The following SLC36A1 variants were observed in gnomAD, a reference collection of about 807,000 sequenced individuals.
SLC36A1 encodes solute carrier family 36 member 1.
Under a neutral mutation model 47.5 loss-of-function variants are expected in SLC36A1, and 30 were observed. The ratio of observed to expected loss-of-function variants is 0.63; its 90% CI spans 0.47 to 0.86. The LOEUF is 0.86. Ranked by LOEUF, SLC36A1 falls within the 40% of genes least tolerant of loss-of-function variation. The pLI, the probability that SLC36A1 is intolerant of heterozygous loss-of-function variation, is 0.00. For synonymous variants in SLC36A1, 255 were observed against 249.7 expected (o/e 1.02, Z -0.20); for missense variants, 517 against 606.0 (o/e 0.85, Z 1.54).
the SLC36A1 span, chr5:151,504,446 A>T: frequency 6.6e-6 from 1 of 152,662 alleles, no homozygotes; most frequent in Non-Finnish European, 1.5e-5. Flanking sequence ...GGGCACCCAC[A>T]TGTGTAGACA....
At chr5:151,549,779 C>T in the SLC36A1 span, among the ~76,000 whole-genome samples, 1 of 152,138 alleles carries the variant, frequency 6.6e-6, no homozygotes, top group Non-Finnish European at 1.5e-5. Flanking sequence ...TTCCAAATTA[C>T]ATCTCAGAGA....
chr5:151,442,271 C>T (rs1263119184), intron 1 of SLC36A1, among the ~76,000 whole-genome samples: 4 of 152,164 alleles, frequency 2.6e-5, no homozygotes, highest in Non-Finnish European at 4.4e-5. Context: ...CATCATTTCA[C>T]ATAGCTACCC....
chr5:151,482,743 T>C (rs1315625696), intron 10 of SLC36A1, among the ~76,000 whole-genome samples: 1 of 152,238 alleles, frequency 6.6e-6, no homozygotes, highest in African/African-American at 2.4e-5. Context: ...TTGTTTCCCT[T>C]GTTTTCGTAT....
the SLC36A1 span, chr5:151,505,748 G>A: frequency 6.2e-7 from 1 of 1,613,688 alleles, no homozygotes; most frequent in Admixed American, 1.7e-5. Flanking sequence ...CGTCTGCCAG[G>A]CAGGGCCCTC....
chr5:151,449,326 AACTT>A (rs2127448796), intron 1 of SLC36A1, among the ~76,000 whole-genome samples: 1 of 152,326 alleles, frequency 6.6e-6, no homozygotes, highest in South Asian at 2.1e-4. Context: ...TACAGTAATT[AACTT>A]ACTTGTACAT....
chr5:151,426,101 T>G, the SLC36A1 span, among the ~76,000 whole-genome samples: 1 of 152,210 alleles, frequency 6.6e-6, no homozygotes, highest in African/African-American at 2.4e-5. Flanking sequence ...CAGTGCACAA[T>G]AGATGTGTTC....
At chr5:151,378,100 T>C in the SLC36A1 span, 1 of 353,024 alleles carries the variant, frequency 2.8e-6, no homozygotes, top group Non-Finnish European at 5.6e-6. Flanking sequence ...TGATGTTGGC[T>C]AATTTCCACA....
the SLC36A1 span, chr5:151,505,620 T>C: frequency 1.2e-5 from 20 of 1,614,016 alleles, no homozygotes; most frequent in Admixed American, 2.2e-4. Context: ...GTCAGAGCCC[T>C]CATAGTTGGG....
At chr5:151,360,156 T>G in the SLC36A1 span, among the ~76,000 whole-genome samples, 1 of 152,226 alleles carries the variant, frequency 6.6e-6, no homozygotes, top group African/African-American at 2.4e-5. Flanking sequence ...TCCTCAACAG[T>G]TGATTCTTAG....
chr5:151,512,751 C>T, the SLC36A1 span: 1 of 715,314 alleles, frequency 1.4e-6, no homozygotes, highest in East Asian at 2.7e-5. The surrounding 1 kb of genome is among the most constrained non-coding windows in gnomAD (Gnocchi z 4.1). Flanking sequence ...ATTTGCAGAG[C>T]ATAAAAACCC....
chr5:151,421,776 G>C, the SLC36A1 span, among the ~76,000 whole-genome samples: 3 of 150,880 alleles, frequency 2.0e-5, no homozygotes, highest in Admixed American at 6.6e-5. Context: ...ATTTTTAGTA[G>C]AGACAGGGTT....
the SLC36A1 span, among the ~76,000 whole-genome samples, chr5:151,419,132 G>T: frequency 2.0e-5 from 3 of 152,174 alleles, no homozygotes; most frequent in Non-Finnish European, 4.4e-5. Context: ...CCCAAACCAT[G>T]CTGAACTGTG....
At chr5:151,461,512 C>T (rs1755509908) in intron 2 of SLC36A1, among the ~76,000 whole-genome samples, 2 of 152,228 alleles carry the variant, frequency 1.3e-5, no homozygotes, top group Non-Finnish European at 2.9e-5. Context: ...CTGGAGTAGT[C>T]ATTTGCAAAA....
At chr5:151,534,344 C>G in the SLC36A1 span, 1 of 1,357,984 alleles carries the variant, frequency 7.4e-7, no homozygotes, top group Non-Finnish European at 1.0e-6. Context: ...ACAAAGGGGA[C>G]CAAACCCTTG....
the SLC36A1 span, among the ~76,000 whole-genome samples, chr5:151,397,084 G>C: frequency 6.6e-6 from 1 of 152,204 alleles, no homozygotes; most frequent in East Asian, 1.9e-4. Flanking sequence ...TGTAGGCCTG[G>C]TAAAATTAAT....
chr5:151,496,476 T>G (rs1245643841), downstream of SLC36A1, among the ~76,000 whole-genome samples: 1 of 152,260 alleles, frequency 6.6e-6, no homozygotes, highest in African/African-American at 2.4e-5. Flanking sequence ...ACTACCATTT[T>G]GCTACTCCAG....
At chr5:151,546,407 G>A in the SLC36A1 span, 16 of 1,198,864 alleles carry the variant, frequency 1.3e-5, no homozygotes, top group African/African-American at 2.1e-4. Context: ...TTCTAGATCA[G>A]TAAAGGGTCT....
chr5:151,390,832 A>G, the SLC36A1 span, among the ~76,000 whole-genome samples: 2 of 152,346 alleles, frequency 1.3e-5, no homozygotes, highest in South Asian at 4.1e-4. Context: ...GTTTGAAGTC[A>G]GGTAGCATGA....
chr5:151,485,193 G>C (rs1759357356), intron 10 of SLC36A1, among the ~76,000 whole-genome samples: 1 of 152,176 alleles, frequency 6.6e-6, no homozygotes, highest in Non-Finnish European at 1.5e-5. Flanking sequence ...TTGAGTTTCA[G>C]GGAAATTAAA....
Sources: gnomAD v4.1 joint callset for allele counts (sites outside exome capture counted in the v4.1 genomes callset) on GRCh38, gnomAD v4.1.1 for gene constraint, Gnocchi (gnomAD v3.1) non-coding constraint, MANE v1.5 for transcripts, NCBI Gene and HGNC (gene_info 2026-07-23, HGNC 2026-07-21) for gene names.